The following HS6ST3 variants were observed in gnomAD, a reference collection of about 807,000 sequenced individuals.
HS6ST3 encodes the protein heparan-sulfate 6-O-sulfotransferase 3.
A neutral mutation model predicts 36.7 loss-of-function variants in HS6ST3; 12 were observed. The ratio of observed to expected loss-of-function variants is 0.33; its 90% CI spans 0.21 to 0.53. The LOEUF (loss-of-function observed/expected upper bound fraction) is 0.53. HS6ST3 is among the 20% of genes least tolerant of loss of function. The pLI is 0.95. For synonymous variants in HS6ST3, 240 were observed against 257.5 expected (o/e 0.93, Z 0.65); for missense variants, 584 against 640.9 (o/e 0.91, Z 0.96).
intron 1 of HS6ST3, among the ~76,000 whole-genome samples, chr13:96,117,963 G>A (rs1351328267): frequency 6.6e-6 from 1 of 151,752 alleles, no homozygotes; most frequent in African/African-American, 2.4e-5. Flanking sequence ...TCCTCCTCCT[G>A]GGTTCAAACA....
intron 1 of HS6ST3, among the ~76,000 whole-genome samples, chr13:96,613,391 T>C (rs1006904820): frequency 6.6e-6 from 1 of 152,172 alleles, no homozygotes; most frequent in Non-Finnish European, 1.5e-5. Context: ...GGCCTGGGAC[T>C]CAAACTTAAG....
At chr13:96,106,660 A>G (rs1375213412) in intron 1 of HS6ST3, among the ~76,000 whole-genome samples, 2 of 152,252 alleles carry the variant, frequency 1.3e-5, no homozygotes, top group Non-Finnish European at 2.9e-5. Flanking sequence ...TTTAACCAAA[A>G]TGAAGGCAGC....
At chr13:96,169,157 A>C (rs2054175195) in intron 1 of HS6ST3, among the ~76,000 whole-genome samples, 1 of 152,142 alleles carries the variant, frequency 6.6e-6, no homozygotes, top group African/African-American at 2.4e-5. Context: ...AGTTGAAATG[A>C]AACTGAAGAT....
intron 1 of HS6ST3, among the ~76,000 whole-genome samples, chr13:96,445,984 A>G (rs751215716): frequency 6.6e-6 from 1 of 152,116 alleles, no homozygotes; most frequent in African/African-American, 2.4e-5. Flanking sequence ...CATTCTGGCT[A>G]ACACGGTGAA....
At chr13:96,209,805 C>T (rs2054389814) in intron 1 of HS6ST3, among the ~76,000 whole-genome samples, 1 of 152,174 alleles carries the variant, frequency 6.6e-6, no homozygotes, top group African/African-American at 2.4e-5. Flanking sequence ...GATGTTGGCT[C>T]CAATGTCACT....
rs548044161 is a variant in HS6ST3 at position 96,440,856 on chromosome 13, C to T, written c.707+349287C>T. 1.2e-4 allele frequency among the ~76,000 whole-genome samples: 18 copies of T among 152,290 alleles called. No homozygotes were observed. In the South Asian group the frequency reaches 3.7e-3, roughly 32 times the overall value. On this transcript the variant is annotated intron_variant, in intron 1 of 1. Coordinates refer to ENST00000376705, the MANE Select transcript of HS6ST3 (RefSeq NM_153456.4). ...GAATAATTAATCCCTTTACCCCCTACCTTTTCTCCAGCATTTATTGCTAAG... is the reference window on the plus strand; with the variant it reads ...GAATAATTAATCCCTTTACCCCCTATCTTTTCTCCAGCATTTATTGCTAAG...
chr13:96,334,996 G>A (rs1422993964), intron 1 of HS6ST3, among the ~76,000 whole-genome samples: 1 of 152,178 alleles, frequency 6.6e-6, no homozygotes, highest in African/African-American at 2.4e-5. Flanking sequence ...GGTGTTCAGA[G>A]AACTTAATGA....
At chr13:96,601,335 CT>C (rs1462748817) in intron 1 of HS6ST3, among the ~76,000 whole-genome samples, 1 of 151,810 alleles carries the variant, frequency 6.6e-6, no homozygotes, top group Non-Finnish European at 1.5e-5. Context: ...TCTTTTTAAT[CT>C]TTTTTGTTTG....
intron 1 of HS6ST3, among the ~76,000 whole-genome samples, chr13:96,454,471 T>G (rs2055745149): frequency 6.6e-6 from 1 of 152,156 alleles, no homozygotes; most frequent in Non-Finnish European, 1.5e-5. Flanking sequence ...AGCATTTATC[T>G]CCAATTACCA....
At chr13:96,381,903 C>G (rs1024894120) in intron 1 of HS6ST3, among the ~76,000 whole-genome samples, 3 of 152,148 alleles carry the variant, frequency 2.0e-5, no homozygotes, top group African/African-American at 7.2e-5. Flanking sequence ...TTCTCACAGC[C>G]TGAGGCAGGA....
intron 1 of HS6ST3, among the ~76,000 whole-genome samples, chr13:96,721,012 A>G (rs1469875214): frequency 6.6e-6 from 1 of 152,208 alleles, no homozygotes; most frequent in Non-Finnish European, 1.5e-5. Context: ...TAAAATTTAT[A>G]GAAAGACTTA....
At chr13:96,332,014 G>A (rs1177427623) in intron 1 of HS6ST3, among the ~76,000 whole-genome samples, 1 of 152,212 alleles carries the variant, frequency 6.6e-6, no homozygotes, top group Non-Finnish European at 1.5e-5. Flanking sequence ...CTTCCCAAGT[G>A]AGGCAATGCC....
intron 1 of HS6ST3, among the ~76,000 whole-genome samples, chr13:96,119,876 G>GAAAAAAAA (rs34371079): frequency 6.9e-6 from 1 of 143,996 alleles, no homozygotes. Flanking sequence ...AATATAATAG[G>GAAAAAAAA]AAAAAAAAAA....
chr13:96,506,952 G>A (rs1418976583), intron 1 of HS6ST3, among the ~76,000 whole-genome samples: 3 of 152,108 alleles, frequency 2.0e-5, no homozygotes, highest in African/African-American at 4.8e-5. Flanking sequence ...TTCCACACCC[G>A]TGGGTATGGA....
At chr13:96,684,790 G>T (rs1874724499) in intron 1 of HS6ST3, among the ~76,000 whole-genome samples, 2 of 152,098 alleles carry the variant, frequency 1.3e-5, no homozygotes, top group East Asian at 1.9e-4. Context: ...CTTCACAGTG[G>T]CATATGACAG....
At chr13:96,189,885 G>A (rs1043434800) in intron 1 of HS6ST3, among the ~76,000 whole-genome samples, 2 of 152,164 alleles carry the variant, frequency 1.3e-5, no homozygotes, top group African/African-American at 4.8e-5. Context: ...CAATCACACG[G>A]CCAATTCCAC....
At chr13:96,660,222 C>G (rs1395184788) in intron 1 of HS6ST3, among the ~76,000 whole-genome samples, 1 of 152,014 alleles carries the variant, frequency 6.6e-6, no homozygotes. Flanking sequence ...CACTTATTAA[C>G]CATACAGAAT....
At chr13:96,632,571 C>A (rs2139001660) in intron 1 of HS6ST3, among the ~76,000 whole-genome samples, 1 of 152,082 alleles carries the variant, frequency 6.6e-6, no homozygotes, top group South Asian at 2.1e-4. Context: ...AAGCAGCAAC[C>A]CTTGGATACA....
intron 1 of HS6ST3, among the ~76,000 whole-genome samples, chr13:96,201,169 G>A (rs1429118366): frequency 6.6e-6 from 1 of 152,172 alleles, no homozygotes; most frequent in African/African-American, 2.4e-5. Flanking sequence ...TCTGACGATA[G>A]GGGCTAAATA....
Sources: allele counts gnomAD v4.1 joint callset (sites outside exome capture counted in the v4.1 genomes callset), GRCh38; gene constraint gnomAD v4.1.1; transcripts MANE v1.5; gene names NCBI Gene and HGNC (gene_info 2026-07-23, HGNC 2026-07-21).